Variants in AKAP13 observed in about 807,000 individuals in gnomAD.
The protein encoded by AKAP13 is A-kinase anchoring protein 13.
A neutral mutation model predicts 264.5 loss-of-function variants in AKAP13; 80 were observed. The observed-to-expected ratio is 0.30, with a 90% confidence interval of 0.25 to 0.36. The LOEUF is 0.36. Among genes scored for constraint, AKAP13 ranks in the 10% least tolerant of loss-of-function variants. The pLI is 1.00. For synonymous variants in AKAP13, 1,380 were observed against 1,250.2 expected, an observed-to-expected ratio of 1.10 and a Z score of -2.19; for missense variants, 3,712 against 3,435.2, an observed-to-expected ratio of 1.08 and a Z score of -2.01.
chr15:85,468,910 T>C (rs1452390621), intron 1 of AKAP13, among the ~76,000 whole-genome samples: 1 of 146,284 alleles, frequency 6.8e-6, no homozygotes, highest in Non-Finnish European at 1.5e-5. Flanking sequence ...CCTTATTAGG[T>C]GTGTAAATTT....
rs1342619467 is a variant in AKAP13, at chr15:85,396,574, TC to T, written c.-12+15778del. Among the ~76,000 whole-genome samples the T allele has an allele frequency of 4.6e-5, 7 of 152,272 alleles. No individual in the cohort carries two copies. The East Asian group carries it at 7.7e-4, about 17-fold the overall frequency. ...TACTATAATATGTTTGTCCTAGTTG[TC>T]CTGAAAGTCACTACGAACTATTCTT... On this transcript the variant is annotated intron_variant, in intron 1 of 36. Transcript: ENST00000394518.
intron 8 of AKAP13, among the ~76,000 whole-genome samples, chr15:85,620,895 C>T (rs1402706328): frequency 6.6e-6 from 1 of 152,144 alleles, no homozygotes; most frequent in Non-Finnish European, 1.5e-5. Flanking sequence ...AGAACTCCTC[C>T]AGCCGGTAAG....
chr15:85,498,344 C>G (rs1157665389), intron 2 of AKAP13, among the ~76,000 whole-genome samples: 2 of 151,994 alleles, frequency 1.3e-5, no homozygotes, highest in African/African-American at 4.8e-5. Context: ...CGTCTTGCAT[C>G]TTCTGCATAA....
chr15:85,743,886 A>G (rs2089238127), intron 36 of AKAP13, 61 bp downstream of exon 36: 2 of 1,529,052 alleles, frequency 1.3e-6, no homozygotes, highest in Admixed American at 2.1e-5. Flanking sequence ...GAGAGAGGGT[A>G]GATTTTAGTG....
intron 1 of AKAP13, among the ~76,000 whole-genome samples, chr15:85,477,946 C>T (rs2075227061): frequency 6.6e-6 from 1 of 152,146 alleles, no homozygotes; most frequent in African/African-American, 2.4e-5. Flanking sequence ...ACTGTGCTGT[C>T]ATATCTGGCG....
At chr15:85,715,959 TC>T (rs2086908474) in intron 20 of AKAP13, 36 bp downstream of exon 20, 4 of 1,596,342 alleles carry the variant, frequency 2.5e-6, no homozygotes, top group African/African-American at 1.4e-5. Flanking sequence ...ACAGTTGGCA[TC>T]TAGGTGACCA....
rs551040968 is a variant in AKAP13, at chr15:85,380,687, G to A, written c.-123G>A. ...ACTGCCGTGCCCATTGCTCGCCTCG[G>A]TCGCCGCCGCTTTAGCCGCCTCCGG... On this transcript the variant is annotated 5_prime_UTR_variant, in exon 1 of 37. Coordinates refer to ENST00000394518, the MANE Select transcript of AKAP13 (RefSeq NM_007200.5). 2 of 152,654 alleles carry A rather than the reference G, an allele frequency of 1.3e-5. No homozygotes were observed. The highest frequency in any genetic ancestry group is 3.9e-4 in the East Asian group (2 of 5,182). 9.5% of individuals were successfully genotyped at this position (152,654 alleles called of 1,614,324 possible).
At position 85,581,521 on chromosome 15, in the gene AKAP13, G is replaced by A. The variant is rs2079141971; in HGVS notation, c.3453G>A (p.Glu1151=). The A allele has an allele frequency of 6.2e-7, 1 of 1,614,072 alleles. No homozygotes were observed. The highest frequency in any genetic ancestry group is 1.1e-5 in the South Asian group (1 of 91,084). The change falls in exon 7 of 37, where the codon GAG becomes GAA. Residue 1151 remains glutamate (E), a synonymous_variant. Coordinates refer to ENST00000394518, the MANE Select transcript of AKAP13 (RefSeq NM_007200.5). ...VTDPQGVGTP[E]MIPLDWEKGK... ...ACCCACAGGGAGTTGGAACCCCAGA[G>A]ATGATACCTCTTGATTGGGAGAAAG...
intron 1 of AKAP13, among the ~76,000 whole-genome samples, chr15:85,413,347 A>G (rs143035251): frequency 4.6e-5 from 7 of 152,324 alleles, no homozygotes; most frequent in Non-Finnish European, 1.0e-4. Flanking sequence ...TAGTATGTGA[A>G]TCTAGCTCAA....
At chr15:85,425,144 G>A (rs894571984) in intron 1 of AKAP13, among the ~76,000 whole-genome samples, 1 of 152,180 alleles carries the variant, frequency 6.6e-6, no homozygotes, top group Non-Finnish European at 1.5e-5. Context: ...GAAAAATGGT[G>A]CTGATAGACT....
rs769554632 is a variant in AKAP13 at position 85,580,296 on chromosome 15, G to A, written c.2228G>A (p.Arg743Gln). ...AAAGTGGTGGATAACAAAGGCCAACGAAAAGATGTGAAACTAGATAAACCT... is the reference window on the plus strand; with the variant it reads ...AAAGTGGTGGATAACAAAGGCCAACAAAAAGATGTGAAACTAGATAAACCT... ...PFKVVDNKGQ[R>Q]KDVKLDKPLT... The change falls in exon 7 of 37, where the codon CGA (arginine) becomes CAA (glutamine). Residue 743 changes from arginine (R) to glutamine (Q), a missense_variant. This residue lies in a region of AKAP13 where 2,759 missense variants were observed against 2,411.7 expected (regional missense o/e 1.14). Coordinates refer to ENST00000394518, the MANE Select transcript of AKAP13 (RefSeq NM_007200.5). 6 of 1,614,188 alleles carry A rather than the reference G, an allele frequency of 3.7e-6. No homozygotes were observed. The highest frequency in any genetic ancestry group is 2.2e-5 in the South Asian group (2 of 91,080).
chr15:85,629,702 A>C (rs537375652), intron 8 of AKAP13, among the ~76,000 whole-genome samples: 3 of 150,724 alleles, frequency 2.0e-5, no homozygotes, highest in Non-Finnish European at 4.4e-5. Flanking sequence ...AAAAAGGTCA[A>C]ATCTATGGGA....
At chr15:85,647,693 C>T (rs2082618019) in intron 10 of AKAP13, among the ~76,000 whole-genome samples, 2 of 152,136 alleles carry the variant, frequency 1.3e-5, no homozygotes, top group Admixed American at 6.5e-5. Context: ...CGCCTGTAAT[C>T]CCAGTACTTT....
chr15:85,669,436 T>C (rs568874188), intron 13 of AKAP13, among the ~76,000 whole-genome samples: 5 of 152,326 alleles, frequency 3.3e-5, no homozygotes, highest in Admixed American at 6.5e-5. Flanking sequence ...TGTTAGATGC[T>C]ATGAGGGATA....
intron 8 of AKAP13, chr15:85,635,199 T>G: frequency 2.5e-6 from 1 of 397,748 alleles, no homozygotes. Context: ...TACTGTGTTC[T>G]AGTTGCTCCA....
rs1225510853 is a variant in AKAP13, at chr15:85,727,385, A to G, written c.7009A>G (p.Arg2337Gly). The change falls in exon 29 of 37, where the codon AGA becomes GGA. Residue 2337 changes from arginine (R) to glycine (G), a missense_variant. This residue lies in a region of AKAP13 where 342 missense variants were observed against 484.3 expected (regional missense o/e 0.71). Transcript: ENST00000394518. The surrounding 1 kb of genome is among the most constrained non-coding windows in gnomAD (Gnocchi z 5.3). ...IIQDTINTLN[R>G]DEDEGIPSEN... ...GTCTTGTTTGGGTTGTATTAGGAAC[A>G]GAGATGAAGATGAAGGAATTCCTAG... 1.9e-5 allele frequency: 31 copies of G among 1,614,218 alleles called. No homozygotes were observed. The highest frequency in any genetic ancestry group is 2.4e-5 in the Non-Finnish European group (28 of 1,180,026).
intron 10 of AKAP13, among the ~76,000 whole-genome samples, chr15:85,647,094 G>A (rs2082593353): frequency 6.6e-6 from 1 of 152,178 alleles, no homozygotes; most frequent in Non-Finnish European, 1.5e-5. Context: ...GGTGAATGAT[G>A]CTGTGTAGAA....
At chr15:85,703,020 A>T (rs2086020782) in intron 17 of AKAP13, among the ~76,000 whole-genome samples, 1 of 152,070 alleles carries the variant, frequency 6.6e-6, no homozygotes, top group South Asian at 2.1e-4. Context: ...TTGCTGATTT[A>T]TTTTCTGTTG....
chr15:85,744,068 G>A (rs910083435), intron 36 of AKAP13: 5 of 514,244 alleles, frequency 9.7e-6, no homozygotes, highest in East Asian at 3.3e-5. Context: ...GGCATTATCC[G>A]ATCGAGGAAC....
Sources: allele counts gnomAD v4.1 joint callset (sites outside exome capture counted in the v4.1 genomes callset), GRCh38; gene constraint gnomAD v4.1.1; regional missense constraint gnomAD v4.1.1; non-coding constraint Gnocchi (gnomAD v3.1); transcripts MANE v1.5; gene names NCBI Gene and HGNC (gene_info 2026-07-23, HGNC 2026-07-21).